RORA: variants seen among roughly 807,000 people sequenced by gnomAD.
RORA encodes RAR related orphan receptor A, also known as nuclear receptor ROR-alpha.
In RORA, 7 loss-of-function variants were observed where a neutral mutation model predicts 69.5. That is an observed-to-expected ratio of 0.10 (90% CI 0.06 to 0.19). RORA has a LOEUF of 0.19. RORA is among the 10% of genes least tolerant of loss of function. The pLI is 1.00. For synonymous variants in RORA, 261 were observed against 240.8 expected (o/e 1.08, Z -0.78); for missense variants, 457 against 663.0 (o/e 0.69, Z 3.41).
chr15:61,151,732 C>T (rs2079399692), intron 1 of RORA, among the ~76,000 whole-genome samples: 1 of 152,158 alleles, frequency 6.6e-6, no homozygotes, highest in African/African-American at 2.4e-5. Flanking sequence ...GATCTGACCT[C>T]TAATATACTT....
intron 1 of RORA, among the ~76,000 whole-genome samples, chr15:61,000,613 C>A (rs1894714324): frequency 6.6e-6 from 1 of 152,130 alleles, no homozygotes; most frequent in South Asian, 2.1e-4. Flanking sequence ...AGCTGCTAAC[C>A]TGACGGAAAA....
At chr15:61,022,624 C>T (rs1201342906) in intron 1 of RORA, among the ~76,000 whole-genome samples, 1 of 152,152 alleles carries the variant, frequency 6.6e-6, no homozygotes, top group Non-Finnish European at 1.5e-5. Context: ...AATAAGACTC[C>T]TTTCTGTACT....
At chr15:61,151,290 GA>G (rs1314263671) in intron 1 of RORA, among the ~76,000 whole-genome samples, 1 of 152,190 alleles carries the variant, frequency 6.6e-6, no homozygotes, top group Non-Finnish European at 1.5e-5. Context: ...CCTACACCCT[GA>G]ACTCTAAGCT....
chr15:60,710,551 G>A (rs1345582763), intron 1 of RORA, among the ~76,000 whole-genome samples: 4 of 152,210 alleles, frequency 2.6e-5, no homozygotes, highest in Non-Finnish European at 4.4e-5. Flanking sequence ...GCCACTGTAA[G>A]TCTTCAATCA....
intron 1 of RORA, among the ~76,000 whole-genome samples, chr15:61,005,629 T>C (rs1218879578): frequency 6.6e-6 from 1 of 152,230 alleles, no homozygotes; most frequent in African/African-American, 2.4e-5. Flanking sequence ...CATATATGTA[T>C]TATCCATATC....
intron 1 of RORA, among the ~76,000 whole-genome samples, chr15:61,205,526 G>A (rs2079933380): frequency 6.6e-6 from 1 of 152,178 alleles, no homozygotes; most frequent in South Asian, 2.1e-4. Flanking sequence ...CCGGAAGTCA[G>A]CTAAGACAGT....
chr15:61,023,834 C>G (rs900687914), intron 1 of RORA, among the ~76,000 whole-genome samples: 2 of 152,152 alleles, frequency 1.3e-5, no homozygotes, highest in Non-Finnish European at 2.9e-5. Flanking sequence ...GGATGAGAGA[C>G]CTTATCACAC....
At chr15:61,184,896 G>A (rs2079724728) in intron 1 of RORA, among the ~76,000 whole-genome samples, 2 of 147,854 alleles carry the variant, frequency 1.4e-5, no homozygotes, top group Admixed American at 1.4e-4. Flanking sequence ...GAGGTAGGAA[G>A]ATACCTCGAG....
At chr15:60,569,564 G>A (rs1409016986) in intron 2 of RORA, among the ~76,000 whole-genome samples, 1 of 152,208 alleles carries the variant, frequency 6.6e-6, no homozygotes, top group African/African-American at 2.4e-5. Flanking sequence ...CCATAAAGGG[G>A]CGGAAGGGTG....
intron 1 of RORA, among the ~76,000 whole-genome samples, chr15:60,987,406 G>C (rs979894630): frequency 2.0e-5 from 3 of 152,136 alleles, no homozygotes; most frequent in Non-Finnish European, 4.4e-5. Flanking sequence ...GAAAACCATG[G>C]ACTTCGAGGT....
chr15:60,870,021 A>G (rs1186653099), intron 1 of RORA, among the ~76,000 whole-genome samples: 2 of 152,248 alleles, frequency 1.3e-5, no homozygotes, highest in Non-Finnish European at 2.9e-5. Context: ...TGACTGGGCC[A>G]AGGAAAATAT....
At chr15:60,804,910 G>C (rs571095878) in intron 1 of RORA, among the ~76,000 whole-genome samples, 1 of 152,248 alleles carries the variant, frequency 6.6e-6, no homozygotes, top group Non-Finnish European at 1.5e-5. Context: ...ATTCACATTT[G>C]TTCATTGTTC....
At chr15:60,999,092 G>A (rs888643851) in intron 1 of RORA, among the ~76,000 whole-genome samples, 1 of 152,200 alleles carries the variant, frequency 6.6e-6, no homozygotes, top group Non-Finnish European at 1.5e-5. Context: ...AAATCATCAA[G>A]CATGGTGGTT....
At chr15:60,739,466 G>A (rs2071545003) in intron 1 of RORA, among the ~76,000 whole-genome samples, 1 of 152,134 alleles carries the variant, frequency 6.6e-6, no homozygotes, top group Non-Finnish European at 1.5e-5. Context: ...TGCTACTCGA[G>A]GGGCTGAGTA....
At chr15:60,946,820 G>C (rs963332535) in intron 1 of RORA, among the ~76,000 whole-genome samples, 5 of 151,922 alleles carry the variant, frequency 3.3e-5, no homozygotes, top group African/African-American at 9.7e-5. Flanking sequence ...TCTAGGAAGT[G>C]AGGAGCGTCT....
chr15:60,622,556 G>A (rs1367178101), intron 2 of RORA, among the ~76,000 whole-genome samples: 1 of 152,026 alleles, frequency 6.6e-6, no homozygotes, highest in Non-Finnish European at 1.5e-5. Flanking sequence ...AGGTTGCAGT[G>A]AGGCGGAGGT....
At chr15:60,550,354 A>C (rs1200942178) in intron 2 of RORA, among the ~76,000 whole-genome samples, 1 of 152,180 alleles carries the variant, frequency 6.6e-6, no homozygotes, top group Non-Finnish European at 1.5e-5. Flanking sequence ...TTTAGATGGA[A>C]ATTTTAAAGT....
chr15:60,938,756 G>A (rs1892603175), intron 1 of RORA, among the ~76,000 whole-genome samples: 1 of 151,812 alleles, frequency 6.6e-6, no homozygotes, highest in Non-Finnish European at 1.5e-5. Context: ...TTTTAATACT[G>A]GGAAAAATAA....
intron 1 of RORA, among the ~76,000 whole-genome samples, chr15:60,984,763 G>T (rs529856864): frequency 6.7e-6 from 1 of 148,908 alleles, no homozygotes; most frequent in Admixed American, 6.7e-5. Flanking sequence ...TGTCTGTGAC[G>T]TTTAATAATA....
Sources: allele counts gnomAD v4.1 joint callset (sites outside exome capture counted in the v4.1 genomes callset), GRCh38; gene constraint gnomAD v4.1.1; transcripts MANE v1.5; gene names NCBI Gene and HGNC (gene_info 2026-07-23, HGNC 2026-07-21).